The following CSMD3 variants were observed in gnomAD, a reference collection of about 807,000 sequenced individuals.
The protein encoded by CSMD3 is CUB and sushi domain-containing protein 3.
A neutral mutation model predicts 435.2 loss-of-function variants in CSMD3; 177 were observed. The observed-to-expected ratio is 0.41, with a 90% CI of 0.36 to 0.46. The LOEUF (loss-of-function observed/expected upper bound fraction) is 0.46, where lower values mean the gene tolerates loss of function less well. Among genes scored for constraint, CSMD3 ranks in the 20% least tolerant of loss-of-function variants. The pLI is 0.34. For missense variants in CSMD3, 4,265 were observed against 4,504.6 expected, an observed-to-expected ratio of 0.95 and a Z score of 1.52; for synonymous variants, 1,656 against 1,520.5, an observed-to-expected ratio of 1.09 and a Z score of -2.07.
intron 69 of CSMD3, 28 bp downstream of exon 69, chr8:112,231,517 T>G (rs201502122): frequency 1.5e-6 from 2 of 1,328,116 alleles, no homozygotes; most frequent in African/African-American, 1.4e-5. Flanking sequence ...ATAACAGAAG[T>G]TCGTGAAAAT....
At chr8:113,224,700 TTGTG>T (rs1378733566) in intron 3 of CSMD3, among the ~76,000 whole-genome samples, 2 of 151,258 alleles carry the variant, frequency 1.3e-5, no homozygotes, top group Non-Finnish European at 1.5e-5. Context: ...ACTATAAAAT[TTGTG>T]TGTGTATTAA....
intron 1 of CSMD3, among the ~76,000 whole-genome samples, chr8:113,416,710 T>C (rs541888409): frequency 3.3e-5 from 5 of 152,158 alleles, no homozygotes; most frequent in Admixed American, 2.0e-4. Context: ...AAGTGAAGAA[T>C]GTTCTACTAA....
chr8:112,699,007 C>T (rs1587001324), intron 13 of CSMD3, among the ~76,000 whole-genome samples: 1 of 152,104 alleles, frequency 6.6e-6, no homozygotes, highest in East Asian at 1.9e-4. Context: ...CCAATCAGCA[C>T]TCTATAAAAT....
At chr8:112,821,418 T>C (rs2079526590) in intron 12 of CSMD3, among the ~76,000 whole-genome samples, 1 of 152,190 alleles carries the variant, frequency 6.6e-6, no homozygotes, top group African/African-American at 2.4e-5. Flanking sequence ...TGATTTTTTT[T>C]TTCATGTTTG....
chr8:113,034,980 T>C (rs1022793442), intron 5 of CSMD3, among the ~76,000 whole-genome samples: 6 of 151,836 alleles, frequency 4.0e-5, no homozygotes, highest in African/African-American at 1.5e-4. Context: ...ATTTTAACAA[T>C]CAACAACCAG....
Position 112,800,193 on chromosome 8 carries a change from A to G in CSMD3, c.1941T>C (p.Val647=), listed in dbSNP as rs1438029331. 9.3e-6 allele frequency: 15 copies of G among 1,612,378 alleles called. No individual in the cohort carries two copies. Among genetic ancestry groups the G allele is most frequent in the Non-Finnish European group, 1.2e-5 (14 of 1,178,710 alleles). The change falls in exon 13 of 71, where the codon GTT becomes GTC. Residue 647 remains valine (V), a synonymous_variant. Coordinates refer to ENST00000297405, the MANE Select transcript of CSMD3 (RefSeq NM_198123.2). ...MWLHLQTDES[V]GSVGFKVNYK... The stretch of plus-strand genomic sequence containing the variant: ...AGTTAACCTTGAAACCAACAGATCC[A>G]ACACTTTCGTCCGTTTGAAGGTGCA...
intron 27 of CSMD3, among the ~76,000 whole-genome samples, chr8:112,541,777 T>C (rs967272854): frequency 6.6e-6 from 1 of 151,766 alleles, no homozygotes; most frequent in Non-Finnish European, 1.5e-5. Context: ...ATTTCCAAAT[T>C]AATTTTGTAA....
chr8:112,778,676 G>A (rs560617050), intron 13 of CSMD3, among the ~76,000 whole-genome samples: 2 of 152,050 alleles, frequency 1.3e-5, no homozygotes, highest in East Asian at 3.9e-4. Context: ...CATAAGTTTT[G>A]AGTTCATTTG....
chr8:112,918,956 T>C (rs1796792161), intron 10 of CSMD3, among the ~76,000 whole-genome samples: 2 of 151,938 alleles, frequency 1.3e-5, no homozygotes, highest in Non-Finnish European at 1.5e-5. Flanking sequence ...AACTACTCTT[T>C]GTCCAGACTC....
intron 4 of CSMD3, among the ~76,000 whole-genome samples, chr8:113,103,687 A>C (rs2090393956): frequency 6.6e-6 from 1 of 152,018 alleles, no homozygotes; most frequent in Admixed American, 6.6e-5. Flanking sequence ...ATTATAATAT[A>C]AATCTATCAT....
At chr8:113,258,506 T>C (rs1046341068) in intron 3 of CSMD3, among the ~76,000 whole-genome samples, 2 of 152,212 alleles carry the variant, frequency 1.3e-5, no homozygotes, top group Non-Finnish European at 2.9e-5. Context: ...TGGATATAAG[T>C]AGAAGTGTCA....
chr8:112,338,459 T>C (rs1324485342), intron 42 of CSMD3, among the ~76,000 whole-genome samples: 1 of 152,190 alleles, frequency 6.6e-6, no homozygotes, highest in Non-Finnish European at 1.5e-5. Context: ...GTTAGACCTA[T>C]GAACAGGGCC....
At chr8:112,351,287 A>G (rs187211391) in intron 39 of CSMD3, 43 bp from the exon 40 acceptor site, 1 of 1,316,792 alleles carries the variant, frequency 7.6e-7, no homozygotes, top group Non-Finnish European at 1.1e-6. Flanking sequence ...ATACATAAAA[A>G]GTTTAAATTT....
chr8:112,847,516 C>A (rs1587466215), intron 11 of CSMD3, among the ~76,000 whole-genome samples: 1 of 152,264 alleles, frequency 6.6e-6, no homozygotes, highest in Non-Finnish European at 1.5e-5. Flanking sequence ...TGTCCTGCCT[C>A]TCCCACTCCC....
intron 47 of CSMD3, among the ~76,000 whole-genome samples, chr8:112,316,480 T>C (rs1220647346): frequency 2.6e-5 from 4 of 151,790 alleles, no homozygotes; most frequent in African/African-American, 9.7e-5. Flanking sequence ...TTGAAATGAC[T>C]GGTATGATCC....
At chr8:112,689,627 T>A (rs1429681573) in intron 14 of CSMD3, among the ~76,000 whole-genome samples, 1 of 152,022 alleles carries the variant, frequency 6.6e-6, no homozygotes, top group Non-Finnish European at 1.5e-5. Flanking sequence ...TGAAATAAAA[T>A]GTTGTAAGAA....
At chr8:113,087,140 T>G (rs1367348778) in intron 5 of CSMD3, among the ~76,000 whole-genome samples, 2 of 152,166 alleles carry the variant, frequency 1.3e-5, no homozygotes, top group Admixed American at 6.5e-5. Context: ...TTTCATTTCC[T>G]ATGGTTGTTT....
At chr8:113,427,278 G>A (rs1038249827) in intron 1 of CSMD3, among the ~76,000 whole-genome samples, 1 of 151,280 alleles carries the variant, frequency 6.6e-6, no homozygotes, top group Non-Finnish European at 1.5e-5. Context: ...ATAGACTGAT[G>A]TATATCTATA....
At chr8:112,613,174 C>T (rs1833398213) in intron 22 of CSMD3, among the ~76,000 whole-genome samples, 1 of 152,092 alleles carries the variant, frequency 6.6e-6, no homozygotes. Context: ...AGGTTGTCAC[C>T]TAAAGGTGTC....
Sources: gnomAD v4.1 joint callset for allele counts (sites outside exome capture counted in the v4.1 genomes callset) on GRCh38, gnomAD v4.1.1 for gene constraint, MANE v1.5 for transcripts, NCBI Gene and HGNC (gene_info 2026-07-23, HGNC 2026-07-21) for gene names.